Variants in B3GLCT observed in about 807,000 individuals in gnomAD.
The protein encoded by B3GLCT is beta 3-glucosyltransferase.
In B3GLCT, 65 loss-of-function variants were observed where a neutral mutation model predicts 63.4. The ratio of observed to expected loss-of-function variants is 1.03; its 90% CI spans 0.84 to 1.26. The LOEUF is 1.26. Among genes scored for constraint, B3GLCT ranks in the 50% most tolerant of loss-of-function variants. B3GLCT has a pLI of 0.00. For synonymous variants in B3GLCT, 233 were observed against 219.2 expected (o/e 1.06, Z -0.55); for missense variants, 577 against 604.8 (o/e 0.95, Z 0.48).
chr13:31,308,120 G>T (rs1216944575), intron 12 of B3GLCT, among the ~76,000 whole-genome samples: 1 of 28,606 alleles, frequency 3.5e-5, no homozygotes, highest in African/African-American at 9.9e-5. Flanking sequence ...CTCATAGGTG[G>T]GAATTGAACA....
At chr13:31,264,938 A>G (rs904086128) in intron 7 of B3GLCT, among the ~76,000 whole-genome samples, 3 of 152,190 alleles carry the variant, frequency 2.0e-5, no homozygotes, top group South Asian at 2.1e-4. Flanking sequence ...CAGTTTATCA[A>G]TATCATTGAG....
chr13:31,317,378 A>G (rs1324516373), intron 12 of B3GLCT, among the ~76,000 whole-genome samples, 188 bp from the exon 13 acceptor site: 1 of 152,188 alleles, frequency 6.6e-6, no homozygotes, highest in African/African-American at 2.4e-5. Flanking sequence ...TACAGTGTTC[A>G]TGCATTCTTT....
chr13:31,316,056 C>A (rs1874990855), intron 12 of B3GLCT, among the ~76,000 whole-genome samples: 1 of 152,182 alleles, frequency 6.6e-6, no homozygotes, highest in African/African-American at 2.4e-5. Context: ...ACCTGGATGT[C>A]CAGGCAGAAG....
chr13:31,207,116 T>G (rs1329928225), intron 1 of B3GLCT, among the ~76,000 whole-genome samples: 2 of 152,192 alleles, frequency 1.3e-5, no homozygotes, highest in Admixed American at 1.3e-4. Flanking sequence ...GTATGTCTGT[T>G]TATCCATCTA....
chr13:31,214,823 T>G (rs906684823), intron 1 of B3GLCT, among the ~76,000 whole-genome samples: 1 of 152,258 alleles, frequency 6.6e-6, no homozygotes, highest in African/African-American at 2.4e-5. Context: ...ATGTACTGTT[T>G]CTTTTGCTTG....
intron 6 of B3GLCT, among the ~76,000 whole-genome samples, chr13:31,249,500 G>A (rs1164797745): frequency 1.3e-5 from 2 of 152,108 alleles, no homozygotes; most frequent in African/African-American, 2.4e-5. Flanking sequence ...ATCTTTTTTA[G>A]GATGTAGGAG....
chr13:31,267,896 TG>T (rs1872407158), intron 7 of B3GLCT, among the ~76,000 whole-genome samples: 1 of 151,908 alleles, frequency 6.6e-6, no homozygotes, highest in Non-Finnish European at 1.5e-5. Context: ...TTGCTCAGGC[TG>T]GAGTGTGATC....
chr13:31,219,270 T>C (rs1869705511), intron 2 of B3GLCT, among the ~76,000 whole-genome samples: 1 of 152,208 alleles, frequency 6.6e-6, no homozygotes, highest in South Asian at 2.1e-4. Context: ...GCTTTATTCT[T>C]AGGAGGCAAG....
intron 9 of B3GLCT, among the ~76,000 whole-genome samples, chr13:31,275,250 T>C (rs562682721): frequency 7.7e-4 from 118 of 152,334 alleles, no homozygotes; most frequent in African/African-American, 2.7e-3. Flanking sequence ...ATACAAGGTT[T>C]AGTACTATTG....
In B3GLCT at chr13:31,279,618, G is replaced by A. The variant is rs148274212; in HGVS notation, c.850+2847G>A. Among the ~76,000 whole-genome samples, 82 of 152,264 alleles carry A rather than the reference G, an allele frequency of 5.4e-4. 1 individual carries two copies. The highest frequency in any genetic ancestry group is 1.9e-3 in the African/African-American group (78 of 41,534). On this transcript the variant is annotated intron_variant, in intron 10 of 14. Coordinates refer to ENST00000343307, the MANE Select transcript of B3GLCT (RefSeq NM_194318.4). ...AGCACAAGGCAAATGGAGGCAGGGC[G>A]AGATCACAGGACCAGGGCGAAATTA... is the stretch of plus-strand genomic sequence containing the variant.
Position 31,247,987 on chromosome 13 carries a change from A to C in B3GLCT, c.459+21A>C, listed in dbSNP as rs750025878. ...CTAAGGTGAATATAACTTCAATACC[A>C]GTTCTTATTTTGGGGGACAGTGTTT... is the stretch of plus-strand genomic sequence containing the variant. On this transcript the variant is annotated intron_variant, in intron 6 of 14. Coordinates refer to ENST00000343307, the MANE Select transcript of B3GLCT (RefSeq NM_194318.4). 5.3e-6 allele frequency: 7 copies of C among 1,312,224 alleles called. No individual in the cohort carries two copies. In the Admixed American group the frequency reaches 1.0e-4, roughly 19 times the overall value. The allele number at this position is 1,312,224 out of a possible 1,614,324, so 81.3% of individuals were successfully genotyped here.
At chr13:31,324,969 A>T (rs914907802) in intron 14 of B3GLCT, among the ~76,000 whole-genome samples, 1 of 152,200 alleles carries the variant, frequency 6.6e-6, no homozygotes, top group Non-Finnish European at 1.5e-5. Context: ...GACTTCCCAA[A>T]GTGCCAGGAT....
chr13:31,257,899 T>G (rs878893975), intron 6 of B3GLCT, among the ~76,000 whole-genome samples: 7 of 152,182 alleles, frequency 4.6e-5, no homozygotes, highest in Admixed American at 4.6e-4. Flanking sequence ...ACTGGAGATA[T>G]AGCAGTGAAC....
At chr13:31,275,992 C>T (rs527947345) in intron 9 of B3GLCT, among the ~76,000 whole-genome samples, 24 of 152,226 alleles carry the variant, frequency 1.6e-4, no homozygotes, top group African/African-American at 5.8e-4. Context: ...ATACAGGAGT[C>T]ATGATTAACT....
At chr13:31,267,276 A>C (rs1377249761) in intron 7 of B3GLCT, among the ~76,000 whole-genome samples, 7 of 152,254 alleles carry the variant, frequency 4.6e-5, no homozygotes, top group Non-Finnish European at 7.3e-5. Flanking sequence ...CTTGTATTCT[A>C]ATCACAACTT....
chr13:31,280,381 G>A (rs1003378741), intron 10 of B3GLCT, among the ~76,000 whole-genome samples: 7 of 152,136 alleles, frequency 4.6e-5, no homozygotes, highest in African/African-American at 7.2e-5. Flanking sequence ...CTGACTTCCC[G>A]CAACACTCTG....
chr13:31,332,041 C>G lies in B3GLCT; in HGVS notation c.*2373C>G, dbSNP rs1416911376. 2 of 152,166 alleles carry G rather than the reference C, an allele frequency of 1.3e-5. No homozygotes were observed. Among genetic ancestry groups the G allele is most frequent in the Non-Finnish European group, 2.9e-5 (2 of 68,006 alleles). The allele number at this position is 152,166 out of a possible 1,614,324, so 9.4% of individuals were successfully genotyped here. A position where few individuals can be genotyped will look rare whatever the true frequency, so the allele number is the denominator to read the frequency against. ...AAATCCAGACATGAAAATAACCTTTCTAGAATGCCTAGGAGCAGAAAACAA... is the reference window on the plus strand; with the variant it reads ...AAATCCAGACATGAAAATAACCTTTGTAGAATGCCTAGGAGCAGAAAACAA... On this transcript the variant is annotated 3_prime_UTR_variant, in exon 15 of 15. Transcript: ENST00000343307.
intron 1 of B3GLCT, among the ~76,000 whole-genome samples, chr13:31,207,200 A>C (rs1318144974): frequency 6.6e-6 from 1 of 152,178 alleles, no homozygotes; most frequent in Non-Finnish European, 1.5e-5. Context: ...CCAAAAGTTA[A>C]TCATAAATTA....
chr13:31,208,164 C>T (rs1178032513), intron 1 of B3GLCT, among the ~76,000 whole-genome samples: 3 of 151,598 alleles, frequency 2.0e-5, no homozygotes, highest in African/African-American at 7.3e-5. Flanking sequence ...CAGGCAGGGC[C>T]CCGGCCCGGG....
Sources: allele counts gnomAD v4.1 joint callset (sites outside exome capture counted in the v4.1 genomes callset), GRCh38; gene constraint gnomAD v4.1.1; transcripts MANE v1.5; gene names NCBI Gene and HGNC (gene_info 2026-07-23, HGNC 2026-07-21).